The following SUPT3H variants were observed in gnomAD, a reference collection of about 807,000 sequenced individuals.
SUPT3H encodes transcription initiation protein SPT3 homolog.
Under a neutral mutation model 44.3 loss-of-function variants are expected in SUPT3H, and 44 were observed. That is an observed-to-expected ratio of 0.99 (90% CI 0.78 to 1.28). The LOEUF (loss-of-function observed/expected upper bound fraction) is 1.28. SUPT3H is among the 50% of genes most tolerant of loss of function. The probability of loss-of-function intolerance (pLI) is 0.00; values close to 1 mark genes in which losing one functional copy is unlikely to be tolerated. For synonymous variants in SUPT3H, 124 were observed against 125.6 expected (o/e 0.99, Z 0.09); for missense variants, 380 against 387.1 (o/e 0.98, Z 0.15).
chr6:45,053,693 T>A (rs1583273871), intron 3 of SUPT3H, among the ~76,000 whole-genome samples: 1 of 123,382 alleles, frequency 8.1e-6, no homozygotes, highest in Non-Finnish European at 1.6e-5. Context: ...GGTCAGGAGA[T>A]CAAGACCATC....
intron 2 of SUPT3H, among the ~76,000 whole-genome samples, chr6:45,130,426 C>T (rs1803250120): frequency 6.6e-6 from 1 of 152,054 alleles, no homozygotes; most frequent in African/African-American, 2.4e-5. Context: ...TAAAATTCAG[C>T]TGATGGACCT....
At chr6:45,113,936 C>T (rs1199409309) in intron 2 of SUPT3H, among the ~76,000 whole-genome samples, 2 of 151,876 alleles carry the variant, frequency 1.3e-5, no homozygotes, top group Non-Finnish European at 2.9e-5. Flanking sequence ...TTCCCCATTC[C>T]CCTTCTGATA....
rs1489784154 is a variant in SUPT3H at position 45,205,448 on chromosome 6, A to ATGT, written c.102-99443_102-99442insACA. 5.3e-5 allele frequency among the ~76,000 whole-genome samples: 8 copies of ATGT among 152,162 alleles called. No homozygotes were observed. The East Asian group carries it at 1.2e-3, about 22-fold the overall frequency. ...ATATAAAATTCCTGAAATTCTGATA[A>ATGT]ACTTTATATAATGTATAGCTTACAA... On this transcript the variant is annotated intron_variant, in intron 2 of 10. Coordinates refer to ENST00000371459, the MANE Select transcript of SUPT3H (RefSeq NM_003599.4).
chr6:45,357,646 A>T (rs1251077297), intron 2 of SUPT3H, among the ~76,000 whole-genome samples: 1 of 152,146 alleles, frequency 6.6e-6, no homozygotes, highest in African/African-American at 2.4e-5. Flanking sequence ...CTAAAGATTA[A>T]TTTTGAAGCT....
chr6:44,959,966 A>G (rs1775771411), intron 7 of SUPT3H, among the ~76,000 whole-genome samples: 1 of 152,152 alleles, frequency 6.6e-6, no homozygotes, highest in Non-Finnish European at 1.5e-5. Flanking sequence ...TTGCCATATA[A>G]AACAGATTTC....
intron 2 of SUPT3H, among the ~76,000 whole-genome samples, chr6:45,172,193 CT>C (rs1810920611): frequency 2.0e-5 from 3 of 151,826 alleles, no homozygotes; most frequent in African/African-American, 7.3e-5. Context: ...CTCCCTCAGC[CT>C]CCAGAGTAGC....
chr6:45,241,044 C>T (rs983964257), intron 2 of SUPT3H, among the ~76,000 whole-genome samples: 3 of 152,164 alleles, frequency 2.0e-5, no homozygotes, highest in Non-Finnish European at 4.4e-5. Context: ...CACTTGGAAG[C>T]TGGGTGATTT....
At chr6:45,255,467 G>T (rs1053609654) in intron 2 of SUPT3H, among the ~76,000 whole-genome samples, 2 of 146,008 alleles carry the variant, frequency 1.4e-5, no homozygotes, top group African/African-American at 2.6e-5. Context: ...TCTCACCCAG[G>T]CTGGAATGCG....
chr6:44,905,369 A>T (rs1272479455), intron 10 of SUPT3H, among the ~76,000 whole-genome samples: 1 of 152,064 alleles, frequency 6.6e-6, no homozygotes, highest in Non-Finnish European at 1.5e-5. Context: ...GGATACGAAC[A>T]GACACTTCTC....
intron 2 of SUPT3H, among the ~76,000 whole-genome samples, chr6:45,239,731 C>A (rs548252965): frequency 4.2e-4 from 64 of 152,286 alleles, no homozygotes; most frequent in African/African-American, 1.4e-3. Context: ...CCAGGCTATA[C>A]TAGCAAAGCT....
chr6:45,085,206 G>GA (rs1307454590), intron 3 of SUPT3H, among the ~76,000 whole-genome samples: 1 of 152,000 alleles, frequency 6.6e-6, no homozygotes, highest in Non-Finnish European at 1.5e-5. Flanking sequence ...AGTGCCAGGG[G>GA]AAAAATGTGA....
chr6:45,148,174 G>C (rs902278077), intron 2 of SUPT3H, among the ~76,000 whole-genome samples: 1 of 152,126 alleles, frequency 6.6e-6, no homozygotes, highest in African/African-American at 2.4e-5. Context: ...CAGATGGGAT[G>C]ATTTCTAAAT....
At chr6:44,985,846 C>T (rs1019204960) in intron 6 of SUPT3H, among the ~76,000 whole-genome samples, 3 of 152,126 alleles carry the variant, frequency 2.0e-5, no homozygotes, top group African/African-American at 7.2e-5. Flanking sequence ...TTTAAAGTCC[C>T]TCTTAGCTAA....
At chr6:44,877,122 T>C (rs950576822) in intron 10 of SUPT3H, among the ~76,000 whole-genome samples, 1 of 152,218 alleles carries the variant, frequency 6.6e-6, no homozygotes, top group African/African-American at 2.4e-5. Context: ...CTGAGCATTT[T>C]CCCAAGCCAT....
At chr6:45,058,766 G>A (rs937060204) in intron 3 of SUPT3H, among the ~76,000 whole-genome samples, 12 of 151,904 alleles carry the variant, frequency 7.9e-5, no homozygotes, top group Admixed American at 2.0e-4. Flanking sequence ...AACTCACTAC[G>A]CATTATTTAC....
intron 2 of SUPT3H, among the ~76,000 whole-genome samples, chr6:45,293,517 CAA>C (rs141346507): frequency 4.1e-5 from 6 of 147,764 alleles, no homozygotes; most frequent in African/African-American, 1.3e-4. Flanking sequence ...CTGAAACAAT[CAA>C]AAAAAAAATA....
intron 10 of SUPT3H, among the ~76,000 whole-genome samples, chr6:44,866,437 G>A (rs1300910524): frequency 1.3e-5 from 2 of 151,654 alleles, no homozygotes; most frequent in Admixed American, 1.3e-4. Flanking sequence ...TAGGTAATAT[G>A]TTGAGATCCA....
At position 45,313,186 on chromosome 6, in the gene SUPT3H, T is replaced by C. The variant is rs1015552594; in HGVS notation, c.101+52015A>G. On this transcript the variant is annotated intron_variant, in intron 2 of 10. Transcript: ENST00000371459. ...GCCCTAAACGCCTACATCAAAAAGG[T>C]TGAAAGAGCACAAACAGACAATCTA... Among the ~76,000 whole-genome samples the C allele has an allele frequency of 1.1e-4, 16 of 151,408 alleles. No individual in the cohort carries two copies. In the East Asian group the frequency reaches 1.6e-3, roughly 15 times the overall value.
intron 2 of SUPT3H, among the ~76,000 whole-genome samples, chr6:45,301,935 A>T (rs934192861): frequency 1.3e-5 from 2 of 152,202 alleles, no homozygotes; most frequent in African/African-American, 4.8e-5. Flanking sequence ...ACTAAACTTT[A>T]GCAGACAAAA....
Sources: gnomAD v4.1 joint callset for allele counts (sites outside exome capture counted in the v4.1 genomes callset) on GRCh38, gnomAD v4.1.1 for gene constraint, MANE v1.5 for transcripts, NCBI Gene and HGNC (gene_info 2026-07-23, HGNC 2026-07-21) for gene names.